Variants in TBCE observed in about 807,000 individuals in gnomAD.
TBCE encodes tubulin folding cofactor E, also known as tubulin-specific chaperone E.
TBCE carries 53 observed loss-of-function variants against 77.0 expected under a neutral mutation model. The ratio of observed to expected loss-of-function variants is 0.69; its 90% confidence interval spans 0.55 to 0.87. TBCE has a LOEUF of 0.87. Among genes scored for constraint, TBCE ranks in the 40% least tolerant of loss-of-function variants. The pLI is 0.00. For missense variants in TBCE, 624 were observed against 622.4 expected, an observed-to-expected ratio of 1.00 and a Z score of -0.03; for synonymous variants, 235 against 241.3, an observed-to-expected ratio of 0.97 and a Z score of 0.24.
At chr1:235,425,799 G>A (rs550665729) in intron 5 of TBCE, among the ~76,000 whole-genome samples, 147 of 152,002 alleles carry the variant, frequency 9.7e-4, no homozygotes, top group Middle Eastern at 3.4e-3. Flanking sequence ...TCACTCCTCC[G>A]CCATGTGCTC....
intron 5 of TBCE, 116 bp downstream of exon 5, chr1:235,419,677 G>C: frequency 7.0e-7 from 1 of 1,425,918 alleles, no homozygotes; most frequent in African/African-American, 1.4e-5. Flanking sequence ...TCCTAATGCA[G>C]TTCAGTTTTG....
chr1:235,430,950 A>G lies in TBCE; in HGVS notation c.660+146A>G, dbSNP rs1681049050. The stretch of plus-strand genomic sequence containing the variant: ...CTATTAATAGATAACAAGATTCATT[A>G]AAGTGCCTTATAAAAACGAGTTAAA... On this transcript the variant is annotated intron_variant, in intron 7 of 16. Transcript: ENST00000642610. The G allele has an allele frequency of 1.9e-5, 14 of 727,000 alleles. No individual in the cohort carries two copies. In the South Asian group the frequency reaches 2.3e-4, roughly 12 times the overall value. The allele number at this position is 727,000 out of a possible 1,614,324, so 45.0% of individuals were successfully genotyped here.
chr1:235,370,339 T>C (rs542482116), intron 1 of TBCE, among the ~76,000 whole-genome samples: 96 of 150,470 alleles, frequency 6.4e-4, no homozygotes, highest in African/African-American at 2.3e-3. Flanking sequence ...CTGCAACCTC[T>C]GCCTCCTGGG....
chr1:235,408,148 T>C (rs1211001965), intron 3 of TBCE, among the ~76,000 whole-genome samples: 3 of 152,192 alleles, frequency 2.0e-5, no homozygotes, highest in Non-Finnish European at 2.9e-5. Flanking sequence ...GGTTGACAAT[T>C]TAAGAAACAA....
At chr1:235,437,571 G>C in intron 12 of TBCE, 97 bp downstream of exon 12, 1 of 1,443,776 alleles carries the variant, frequency 6.9e-7, no homozygotes, top group Non-Finnish European at 9.5e-7. Context: ...CAGCACTTTG[G>C]GAGGCTGGGG....
intron 2 of TBCE, among the ~76,000 whole-genome samples, chr1:235,390,479 C>G (rs1678310076): frequency 6.6e-6 from 1 of 152,104 alleles, no homozygotes; most frequent in Admixed American, 6.6e-5. Context: ...AGGCTAGACG[C>G]AGTGGCTCAC....
intron 6 of TBCE, chr1:235,430,401 A>G (rs80182502): frequency 6.2e-6 from 2 of 321,068 alleles, no homozygotes; most frequent in Non-Finnish European, 1.2e-5. Flanking sequence ...TGAAGCTGGA[A>G]GCTCACCTTG....
rs533888707 is a variant in TBCE at position 235,448,672 on chromosome 1, G to A, written c.1494G>A (p.Lys498=). The change falls in exon 17 of 17, where the codon AAG becomes AAA. Residue 498 remains lysine, a splice_region_variant and synonymous_variant. Coordinates refer to ENST00000642610, the MANE Select transcript of TBCE (RefSeq NM_003193.5). ...CCCCACCTTCGTTCTAATTTTAGAA[G>A]CCGGGCAGAGAAATCGAGCTGGAAA... ...DLLLSYESPK[K]PGREIELEND... 1 of 1,613,480 alleles carries A rather than the reference G, an allele frequency of 6.2e-7. No homozygotes were observed. Among genetic ancestry groups the A allele is most frequent in the East Asian group, 2.2e-5 (1 of 44,874 alleles).
chr1:235,393,001 C>T (rs1301913014), intron 2 of TBCE, among the ~76,000 whole-genome samples: 1 of 151,246 alleles, frequency 6.6e-6, no homozygotes, highest in Non-Finnish European at 1.5e-5. Flanking sequence ...GATGCTGTCT[C>T]TAAAAAAATT....
chr1:235,368,757 G>A (rs1212657944), intron 1 of TBCE, among the ~76,000 whole-genome samples: 1 of 151,060 alleles, frequency 6.6e-6, no homozygotes, highest in African/African-American at 2.4e-5. Context: ...GTAGAGATGG[G>A]GTTTCGCCAT....
intron 9 of TBCE, 200 bp from the exon 10 acceptor site, chr1:235,436,164 AGCAGTAGGTACTCAAGAACCAT>A: frequency 1.6e-6 from 1 of 607,866 alleles, no homozygotes. Context: ...CACCTGACAT[AGCAGTAGGTACTCAAGAACCAT>A]TAGGTGACTA....
chr1:235,440,877 T>G (rs955628818), intron 13 of TBCE: 1 of 152,188 alleles, frequency 6.6e-6, no homozygotes, highest in East Asian at 1.9e-4. Context: ...AATTCATGAG[T>G]CTTTGTCCCT....
At chr1:235,408,087 T>A (rs11577669) in intron 3 of TBCE, among the ~76,000 whole-genome samples, 21,506 of 152,196 alleles carry the variant, frequency 0.14, 1,904 homozygotes, top group African/African-American at 0.24. Flanking sequence ...ATCAGAGAGG[T>A]CGTGCTGTTC....
chr1:235,399,156 T>C (rs1678929702), intron 2 of TBCE, among the ~76,000 whole-genome samples: 1 of 151,980 alleles, frequency 6.6e-6, no homozygotes, highest in African/African-American at 2.4e-5. Context: ...GGTTTTGCCA[T>C]GTTGCCTAGG....
At position 235,419,458 on chromosome 1, in the gene TBCE, CTG is replaced by C. The variant is rs1380065210; in HGVS notation, c.372-13_372-12del. Reference sequence around the variant, plus strand: ...ACGTGCTTATGTATCCATGTGAACTCTGTTTTTCATGCAGTCAGCTGAGCAAG... The same window carrying C: ...ACGTGCTTATGTATCCATGTGAACTCTTTTTCATGCAGTCAGCTGAGCAAG... On this transcript the variant is annotated splice_polypyrimidine_tract_variant and intron_variant, in intron 4 of 16. Transcript: ENST00000642610. The C allele has an allele frequency of 1.2e-6, 2 of 1,614,084 alleles. No homozygotes were observed. The highest frequency in any genetic ancestry group is 1.1e-5 in the South Asian group (1 of 91,072).
chr1:235,388,881 G>C lies in TBCE; in HGVS notation c.100+8732G>C, dbSNP rs148310805. ...AACAAATATTTCAGCTGTCTCCTTT[G>C]GGTGCTCTGAAGATAGAGTGGCCTT... On this transcript the variant is annotated intron_variant, in intron 2 of 16. Transcript: ENST00000642610. 4.3e-4 allele frequency among the ~76,000 whole-genome samples: 66 copies of C among 152,354 alleles called. No homozygotes were observed. In the South Asian group the frequency reaches 7.9e-3, roughly 18 times the overall value.
At chr1:235,405,339 T>A (rs1331034595) in intron 3 of TBCE, among the ~76,000 whole-genome samples, 8 of 114,180 alleles carry the variant, frequency 7.0e-5, no homozygotes, top group African/African-American at 2.5e-4. Flanking sequence ...TTTTTTTTTT[T>A]AATAAGTAGG....
At chr1:235,438,989 G>T (rs76365196) in intron 13 of TBCE, 67 bp downstream of exon 13, 2 of 1,607,984 alleles carry the variant, frequency 1.2e-6, no homozygotes, top group East Asian at 2.2e-5. Context: ...TTTTTCTTGG[G>T]TATCAAAAGA....
chr1:235,421,224 T>A (rs1379355315), intron 5 of TBCE, among the ~76,000 whole-genome samples: 1 of 151,804 alleles, frequency 6.6e-6, no homozygotes, highest in East Asian at 1.9e-4. Context: ...CTTGGCAACA[T>A]TGCCAGACCT....
Sources: allele counts gnomAD v4.1 joint callset (sites outside exome capture counted in the v4.1 genomes callset), GRCh38; gene constraint gnomAD v4.1.1; transcripts MANE v1.5; gene names NCBI Gene and HGNC (gene_info 2026-07-23, HGNC 2026-07-21).